PCDH17: variants seen among roughly 807,000 people sequenced by gnomAD.
PCDH17 encodes protocadherin 17.
In PCDH17, 21 loss-of-function variants were observed where a neutral mutation model predicts 67.7. The ratio of observed to expected loss-of-function variants is 0.31; its 90% CI spans 0.22 to 0.45. The LOEUF (loss-of-function observed/expected upper bound fraction) is 0.45, where lower values mean the gene tolerates loss of function less well. PCDH17 is among the 20% of genes least tolerant of loss of function. The pLI, the probability that PCDH17 is intolerant of heterozygous loss-of-function variation, is 1.00. For missense variants in PCDH17, 1,471 were observed against 1,564.8 expected (o/e 0.94, Z 1.01); for synonymous variants, 701 against 656.7 (o/e 1.07, Z -1.03).
intron 3 of PCDH17, among the ~76,000 whole-genome samples, chr13:57,704,806 C>G (rs1955704255): frequency 6.6e-6 from 1 of 152,052 alleles, no homozygotes; most frequent in African/African-American, 2.4e-5. Flanking sequence ...AGTTTTCACA[C>G]ACCATTAGGT....
rs1555286765 is a variant in PCDH17 at position 57,693,338 on chromosome 13, A to ATATT, written c.2797+26508_2797+26509insTTAT. On this transcript the variant is annotated intron_variant, in intron 3 of 3. Transcript: ENST00000377918. ...TTCATATATATATATATATATATATATATATATCAAGGAGTTAGGATACAA... is the reference window on the plus strand; with the variant it reads ...TTCATATATATATATATATATATATATATTTATATATCAAGGAGTTAGGATACAA... Among the ~76,000 whole-genome samples the ATATT allele has an allele frequency of 1.9e-4, 27 of 142,132 alleles. 1 individual carries two copies. The highest frequency in any genetic ancestry group is 6.1e-4 in the African/African-American group (24 of 39,308). 93.2% of individuals were successfully genotyped at this position (142,132 alleles called of 152,430 possible).
At position 57,656,489 on chromosome 13, in the gene PCDH17, C is replaced by T. The variant is rs557348917; in HGVS notation, c.2566-9979C>T. 4.9e-4 allele frequency among the ~76,000 whole-genome samples: 75 copies of T among 151,560 alleles called. 1 individual carries two copies. The highest frequency in any genetic ancestry group is 8.7e-4 in the Non-Finnish European group (59 of 67,906). ...ATTCTCTTCCTTTGTCTTTATATAC[C>T]GAGAATATTAGAAGAAGCTATTTCA... is the stretch of plus-strand genomic sequence containing the variant. On this transcript the variant is annotated intron_variant, in intron 1 of 3. Transcript: ENST00000377918.
intron 3 of PCDH17, among the ~76,000 whole-genome samples, chr13:57,724,162 T>A (rs558153653): frequency 6.6e-6 from 1 of 152,196 alleles, no homozygotes; most frequent in Non-Finnish European, 1.5e-5. Flanking sequence ...GATAAAACGT[T>A]TTTTAAAGAG....
At chr13:57,638,068 G>A (rs1419882006) in intron 1 of PCDH17, among the ~76,000 whole-genome samples, 1 of 151,986 alleles carries the variant, frequency 6.6e-6, no homozygotes, top group Admixed American at 6.6e-5. Context: ...CCACAATAGT[G>A]TGAATCATAA....
intron 1 of PCDH17, among the ~76,000 whole-genome samples, chr13:57,665,467 G>A (rs1955240110): frequency 6.6e-6 from 1 of 152,078 alleles, no homozygotes; most frequent in South Asian, 2.1e-4. Context: ...TGGGCCCTCT[G>A]TTTCATGAAT....
Position 57,728,542 on chromosome 13 carries a change from CA to C in PCDH17, c.*3250del, listed in dbSNP as rs1955931453. Reference sequence around the variant, plus strand: ...TAAAAAAAAAAAAAAAAAAAAAAAGCAACAAAATAACCTTTTCATCAGAGTT... The same window carrying C: ...TAAAAAAAAAAAAAAAAAAAAAAAGCACAAAATAACCTTTTCATCAGAGTT... On this transcript the variant is annotated 3_prime_UTR_variant, in exon 4 of 4. Transcript: ENST00000377918. 1 of 89,336 alleles carries C rather than the reference CA, an allele frequency of 1.1e-5. No individual in the cohort carries two copies. Among genetic ancestry groups the C allele is most frequent in the Non-Finnish European group, 2.3e-5 (1 of 43,246 alleles). 5.5% of individuals were successfully genotyped at this position (89,336 alleles called of 1,614,324 possible). A position where few individuals can be genotyped will look rare whatever the true frequency, so the allele number is the denominator to read the frequency against.
intron 3 of PCDH17, among the ~76,000 whole-genome samples, chr13:57,705,207 A>G (rs1270299366): frequency 6.6e-6 from 1 of 152,060 alleles, no homozygotes; most frequent in Non-Finnish European, 1.5e-5. Flanking sequence ...GCTAATATAT[A>G]GTATATTTTA....
rs1454346108 is a variant in PCDH17 at position 57,633,380 on chromosome 13, G to A, written c.834G>A (p.Val278=). ...TDADEGPNGE[V]LYSFSSYVPD... ...CCGATGAAGGTCCCAATGGTGAAGT[G>A]CTCTACTCTTTCAGCAGCTACGTGC... The change falls in exon 1 of 4, where the codon GTG becomes GTA. Residue 278 remains valine, a synonymous_variant. Transcript: ENST00000377918. The surrounding 1 kb of genome is among the most constrained non-coding windows in gnomAD (Gnocchi z 6.2). 5 of 1,613,290 alleles carry A rather than the reference G, an allele frequency of 3.1e-6. No homozygotes were observed. The highest frequency in any genetic ancestry group is 3.4e-6 in the Non-Finnish European group (4 of 1,180,026).
At chr13:57,665,907 A>G (rs1955247260) in intron 1 of PCDH17, among the ~76,000 whole-genome samples, 1 of 152,164 alleles carries the variant, frequency 6.6e-6, no homozygotes, top group Non-Finnish European at 1.5e-5. Flanking sequence ...TAATTTCCAT[A>G]GTTGGGTTGT....
At chr13:57,670,076 A>G (rs896023694) in intron 3 of PCDH17, among the ~76,000 whole-genome samples, 1 of 152,030 alleles carries the variant, frequency 6.6e-6, no homozygotes, top group African/African-American at 2.4e-5. Flanking sequence ...TGTAGTTATA[A>G]GTAGTGAAGG....
At chr13:57,720,381 G>A (rs1424579437) in intron 3 of PCDH17, among the ~76,000 whole-genome samples, 1 of 151,954 alleles carries the variant, frequency 6.6e-6, no homozygotes, top group African/African-American at 2.4e-5. Flanking sequence ...AGATTAAAAT[G>A]TTGCTTATTG....
intron 3 of PCDH17, among the ~76,000 whole-genome samples, chr13:57,687,146 A>C (rs1856375072): frequency 6.6e-6 from 1 of 152,096 alleles, no homozygotes; most frequent in South Asian, 2.1e-4. Context: ...ATGCAATTTT[A>C]GGTACTTTAT....
intron 3 of PCDH17, among the ~76,000 whole-genome samples, chr13:57,676,067 C>T (rs1453459580): frequency 2.0e-5 from 3 of 151,954 alleles, no homozygotes; most frequent in Admixed American, 2.0e-4. Flanking sequence ...GACTTAATGT[C>T]TAACTAAATG....
At chr13:57,662,806 A>C (rs1955199618) in intron 1 of PCDH17, among the ~76,000 whole-genome samples, 1 of 152,204 alleles carries the variant, frequency 6.6e-6, no homozygotes, top group African/African-American at 2.4e-5. Flanking sequence ...CTAGTAAAGA[A>C]AAAAGACAAA....
At chr13:57,688,452 A>C (rs983898927) in intron 3 of PCDH17, among the ~76,000 whole-genome samples, 2 of 152,098 alleles carry the variant, frequency 1.3e-5, no homozygotes, top group Non-Finnish European at 2.9e-5. Flanking sequence ...TGCAATTTAA[A>C]AAATTTTATT....
intron 3 of PCDH17, among the ~76,000 whole-genome samples, chr13:57,691,885 T>C (rs1955562503): frequency 6.6e-6 from 1 of 151,254 alleles, no homozygotes; most frequent in Admixed American, 6.6e-5. Flanking sequence ...AAAGGCACTT[T>C]ATTTTTGAAT....
chr13:57,673,626 G>A (rs754176685), intron 3 of PCDH17, among the ~76,000 whole-genome samples: 10 of 151,854 alleles, frequency 6.6e-5, no homozygotes, highest in East Asian at 1.9e-4. Flanking sequence ...GTCTTAGGAA[G>A]GAAATAGAAA....
Position 57,718,558 on chromosome 13 carries a change from A to G in PCDH17, c.2798-6054A>G, listed in dbSNP as rs893675846. 1.3e-5 allele frequency among the ~76,000 whole-genome samples: 2 copies of G among 152,048 alleles called. 1 individual carries two copies. Among genetic ancestry groups the G allele is most frequent in the Non-Finnish European group, 2.9e-5 (2 of 67,978 alleles). On this transcript the variant is annotated intron_variant, in intron 3 of 3. Transcript: ENST00000377918. ...GAATGACTCACTCTATTATTATAAC[A>G]AGTGTAAAGTTTTTATAGGATCAGA...
chr13:57,634,442 C>G lies in PCDH17; in HGVS notation c.1896C>G (p.Asp632Glu), dbSNP rs777237862. Reference sequence around the variant, plus strand: ...CCTACGAGATCGTGGACGGCAACGACGACCACCTGTTTGAGATCGACCCGT... The same window carrying G: ...CCTACGAGATCGTGGACGGCAACGAGGACCACCTGTTTGAGATCGACCCGT... ...RLTYEIVDGN[D>E]DHLFEIDPSS... The change falls in exon 1 of 4, where the codon GAC becomes GAG. Residue 632 changes from aspartate (D) to glutamate (E), a missense_variant. Transcript: ENST00000377918. This position sits in a 1 kb window ranked among gnomAD's most constrained non-coding sequence, Gnocchi z 7.8. The G allele has an allele frequency of 6.2e-7, 1 of 1,612,872 alleles. No homozygotes were observed. Among genetic ancestry groups the G allele is most frequent in the Non-Finnish European group, 8.5e-7 (1 of 1,179,974 alleles).
Sources: gnomAD v4.1 joint callset for allele counts (sites outside exome capture counted in the v4.1 genomes callset) on GRCh38, gnomAD v4.1.1 for gene constraint, Gnocchi (gnomAD v3.1) non-coding constraint, MANE v1.5 for transcripts, NCBI Gene and HGNC (gene_info 2026-07-23, HGNC 2026-07-21) for gene names.